TG: variants seen among roughly 807,000 people sequenced by gnomAD.
TG encodes thyroglobulin, also known as thyroid hormones.
Under a neutral mutation model 324.7 loss-of-function variants are expected in TG, and 270 were observed. The observed-to-expected ratio is 0.83, with a 90% CI of 0.75 to 0.92. The LOEUF is 0.92. Among genes scored for constraint, TG ranks in the 40% least tolerant of loss-of-function variants. The pLI, the probability that TG is intolerant of heterozygous loss-of-function variation, is 0.00. For synonymous variants in TG, 1,401 were observed against 1,327.0 expected, an observed-to-expected ratio of 1.06 and a Z score of -1.21; for missense variants, 3,591 against 3,456.4, an observed-to-expected ratio of 1.04 and a Z score of -0.98.
At chr8:133,000,721 T>C (rs1249362011) in intron 35 of TG, among the ~76,000 whole-genome samples, 1 of 152,160 alleles carries the variant, frequency 6.6e-6, no homozygotes, top group Non-Finnish European at 1.5e-5. Context: ...GTGCATGCGA[T>C]AGGGTGGGAA....
intron 45 of TG, among the ~76,000 whole-genome samples, chr8:133,120,548 T>C (rs2131799056): frequency 6.6e-6 from 1 of 152,318 alleles, no homozygotes; most frequent in East Asian, 1.9e-4. Context: ...GCCTCTCTCT[T>C]AGCCCCTGGT....
rs1209724477 is a variant in TG at position 132,961,013 on chromosome 8, A to G, written c.5407A>G (p.Thr1803Ala). 4 of 1,614,020 alleles carry G rather than the reference A, an allele frequency of 2.5e-6. No homozygotes were observed. The South Asian group carries it at 4.4e-5, about 18-fold the overall frequency. The change falls in exon 28 of 48, where the codon ACA becomes GCA. Residue 1803 changes from threonine to alanine, a missense_variant. Physicochemically the swap from Thr to Ala is moderately conservative, Grantham distance 58 (BLOSUM62 0). Coordinates refer to ENST00000220616, the MANE Select transcript of TG (RefSeq NM_003235.5). ...ATAAACATCTTCCTTTGCAGGTCTGACACCCTTAGAAGGAACTCAAGACAC... is the reference window on the plus strand; with the variant it reads ...ATAAACATCTTCCTTTGCAGGTCTGGCACCCTTAGAAGGAACTCAAGACAC... ...LGDQEFIKSL[T>A]PLEGTQDTFT...
chr8:132,981,519 G>A (rs934374971), intron 34 of TG, among the ~76,000 whole-genome samples: 1 of 152,188 alleles, frequency 6.6e-6, no homozygotes, highest in Non-Finnish European at 1.5e-5. Context: ...GTGACAACAG[G>A]GTGACAAGTA....
At chr8:133,000,073 A>G (rs1007059124) in intron 35 of TG, among the ~76,000 whole-genome samples, 1 of 152,266 alleles carries the variant, frequency 6.6e-6, no homozygotes, top group African/African-American at 2.4e-5. Flanking sequence ...CAAGGATGCC[A>G]TCATGCATTC....
chr8:133,049,126 C>A (rs1410311913), intron 41 of TG: 8 of 455,784 alleles, frequency 1.8e-5, no homozygotes, highest in African/African-American at 1.2e-4. Flanking sequence ...AAGATTTGTG[C>A]CCAGGTGTTC....
rs943893509 is a variant in TG at position 132,995,507 on chromosome 8, C to T, written c.6262+12095C>T. 6 of 985,264 alleles carry T rather than the reference C, an allele frequency of 6.1e-6. No homozygotes were observed. The African/African-American group carries it at 1.0e-4, about 17-fold the overall frequency. The allele number at this position is 985,264 out of a possible 1,614,324, so 61.0% of individuals were successfully genotyped here. On this transcript the variant is annotated intron_variant, in intron 35 of 47. Coordinates refer to ENST00000220616, the MANE Select transcript of TG (RefSeq NM_003235.5). ...GGAGGCCTCCATGGTGCTGGACTCA[C>T]TTTGCTTAGATCAGATTGGTTGTTC...
At chr8:132,894,000 T>C (rs1816740238) in intron 11 of TG, 71 bp downstream of exon 11, 1 of 1,611,336 alleles carries the variant, frequency 6.2e-7, no homozygotes, top group South Asian at 1.1e-5. Context: ...TCGTCTCTCC[T>C]CAGTCATCCT....
At chr8:133,103,886 G>A (rs891148138) in intron 43 of TG, among the ~76,000 whole-genome samples, 2 of 152,224 alleles carry the variant, frequency 1.3e-5, no homozygotes, top group African/African-American at 2.4e-5. Flanking sequence ...GAGAGTTCAT[G>A]TTCTCATGAA....
At chr8:132,883,702 C>T (rs752058485) in intron 8 of TG, among the ~76,000 whole-genome samples, 15 of 152,008 alleles carry the variant, frequency 9.9e-5, no homozygotes, top group Admixed American at 9.8e-4. Flanking sequence ...GGGTTTTGCA[C>T]GTAAGGCAAA....
intron 41 of TG, among the ~76,000 whole-genome samples, chr8:133,046,251 G>T (rs568154484): frequency 6.6e-6 from 1 of 152,334 alleles, no homozygotes; most frequent in Admixed American, 6.5e-5. Context: ...GCTGGGCAGG[G>T]CTAAGCAATT....
chr8:132,919,332 G>A (rs2132447015), intron 20 of TG, 44 bp from the exon 21 acceptor site: 1 of 1,597,278 alleles, frequency 6.3e-7, no homozygotes, highest in Admixed American at 1.7e-5. Flanking sequence ...TAACTGTGAA[G>A]CATGTGTCTT....
chr8:133,085,913 T>C (rs546198664), intron 41 of TG, among the ~76,000 whole-genome samples: 5 of 152,320 alleles, frequency 3.3e-5, no homozygotes, highest in Non-Finnish European at 7.4e-5. Flanking sequence ...TATAAGAACT[T>C]GTATGTGACT....
rs577872355 is a variant in TG, at chr8:132,967,874, C to T, written c.5767C>T (p.Pro1923Ser). The change falls in exon 31 of 48, where the codon CCA becomes TCA. Residue 1923 changes from proline (P) to serine (S), a missense_variant. By Grantham distance (74) the Pro-to-Ser change is moderately conservative (BLOSUM62 -1). Coordinates refer to ENST00000220616, the MANE Select transcript of TG (RefSeq NM_003235.5). The stretch of plus-strand genomic sequence containing the variant: ...CTTGTACTTCACCTGCACCCTCTAC[C>T]CAGAGGCACAGGTGTGTGATGACAT... ...ASLYFTCTLY[P>S]EAQVCDDIME... 7.2e-5 allele frequency: 116 copies of T among 1,613,996 alleles called. No homozygotes were observed. In the Admixed American group the frequency reaches 1.0e-3, roughly 14 times the overall value.
intron 16 of TG, among the ~76,000 whole-genome samples, chr8:132,902,606 A>T (rs1383133740): frequency 6.6e-6 from 1 of 152,202 alleles, no homozygotes; most frequent in Non-Finnish European, 1.5e-5. Flanking sequence ...ATCACTATGC[A>T]GGATACACAG....
intron 43 of TG, among the ~76,000 whole-genome samples, chr8:133,096,779 A>G (rs371580747): frequency 1.3e-5 from 2 of 152,182 alleles, no homozygotes; most frequent in East Asian, 1.9e-4. Flanking sequence ...CCAATCCTGA[A>G]AAAGACACTG....
chr8:132,969,665 C>A (rs1392399960), intron 32 of TG, 96 bp downstream of exon 32: 1 of 988,324 alleles, frequency 1.0e-6, no homozygotes. Flanking sequence ...GCATACCCAG[C>A]ACTTTGGGAG....
intron 20 of TG, among the ~76,000 whole-genome samples, chr8:132,913,698 G>T (rs141514960): frequency 6.6e-6 from 1 of 152,132 alleles, no homozygotes; most frequent in Non-Finnish European, 1.5e-5. Flanking sequence ...CTCTTGCCTC[G>T]CCTGTGAGTA....
chr8:133,116,448 T>A (rs557395866), intron 44 of TG, among the ~76,000 whole-genome samples, 161 bp from the exon 45 acceptor site: 1 of 152,350 alleles, frequency 6.6e-6, no homozygotes, highest in East Asian at 1.9e-4. Flanking sequence ...GTGGAGGCAC[T>A]TGGAGAGCAT....
chr8:132,893,995 T>C, intron 11 of TG, 66 bp downstream of exon 11: 2 of 1,612,340 alleles, frequency 1.2e-6, no homozygotes, highest in Non-Finnish European at 1.7e-6. Flanking sequence ...TAAATTCGTC[T>C]CTCCTCAGTC....
Sources: allele counts gnomAD v4.1 joint callset (sites outside exome capture counted in the v4.1 genomes callset), GRCh38; gene constraint gnomAD v4.1.1; transcripts MANE v1.5; gene names NCBI Gene and HGNC (gene_info 2026-07-23, HGNC 2026-07-21).